Variants in WSCD1 observed in about 807,000 individuals in gnomAD.
The protein encoded by WSCD1 is WSC domain sialate O sulfotransferase 1, also known as sialate:O-sulfotransferase 1.
In WSCD1, 41 loss-of-function variants were observed where a neutral mutation model predicts 60.4. That is an observed-to-expected ratio of 0.68 (90% CI 0.53 to 0.88). WSCD1 has a LOEUF of 0.88. Ranked by LOEUF, WSCD1 falls within the 40% of genes least tolerant of loss-of-function variation. The pLI is 0.00. For missense variants in WSCD1, 784 were observed against 796.2 expected (o/e 0.98, Z 0.18); for synonymous variants, 361 against 332.5 (o/e 1.09, Z -0.93).
intron 8 of WSCD1, among the ~76,000 whole-genome samples, chr17:6,119,463 A>G (rs1251394276): frequency 6.6e-6 from 1 of 152,218 alleles, no homozygotes; most frequent in Non-Finnish European, 1.5e-5. Context: ...GAAACAAAGC[A>G]GTGTCCAGGC....
rs770718752 is a variant in WSCD1 at position 6,118,015 on chromosome 17, G to A, written c.1202G>A (p.Arg401Gln). ...KGFKGEKDHW[R>Q]SRRTICVKTH... is the part of the protein sequence containing the mutation. The stretch of plus-strand genomic sequence containing the variant: ...TTCAAGGGCGAAAAGGACCACTGGC[G>A]GAGCCGACGCACCATCTGTGTCAAA... The change falls in exon 8 of 9, where the codon CGG becomes CAG. Residue 401 changes from arginine (R) to glutamine (Q), a missense_variant. Transcript: ENST00000317744. The surrounding 1 kb of genome is among the most constrained non-coding windows in gnomAD (Gnocchi z 5.8). The A allele has an allele frequency of 2.8e-5, 45 of 1,614,042 alleles. 1 individual carries two copies. The highest frequency in any genetic ancestry group is 3.3e-4 in the Middle Eastern group (2 of 5,978).
intron 7 of WSCD1, among the ~76,000 whole-genome samples, chr17:6,116,843 C>T (rs1259912290): frequency 1.3e-5 from 2 of 152,128 alleles, no homozygotes; most frequent in African/African-American, 2.4e-5. Context: ...ATTTTGTTTC[C>T]AAGAGCCCAA....
rs1224444980 is a variant in WSCD1, at chr17:6,123,704, T to C, written c.*3043T>C. On this transcript the variant is annotated 3_prime_UTR_variant, in exon 9 of 9. Coordinates refer to ENST00000317744, the MANE Select transcript of WSCD1 (RefSeq NM_015253.2). ...TTGGAGGTATCTGAAATGTGATGAC[T>C]CCAAAGGGGTTCATTTCACTATAGG... 1 of 152,132 alleles carries C rather than the reference T, an allele frequency of 6.6e-6. No individual in the cohort carries two copies. The allele number at this position is 152,132 out of a possible 1,614,324, so 9.4% of individuals were successfully genotyped here. A position where few individuals can be genotyped will look rare whatever the true frequency, so the allele number is the denominator to read the frequency against.
intron 8 of WSCD1, 63 bp from the exon 9 acceptor site, chr17:6,120,246 C>G: frequency 6.4e-7 from 1 of 1,555,476 alleles, no homozygotes; most frequent in Non-Finnish European, 8.7e-7. Flanking sequence ...AGCAGCCCCC[C>G]GGGGACCGGC....
chr17:6,099,166 T>C (rs1910636918), intron 5 of WSCD1, among the ~76,000 whole-genome samples: 1 of 152,046 alleles, frequency 6.6e-6, no homozygotes, highest in Admixed American at 6.6e-5. Flanking sequence ...AGGTTCTGGG[T>C]GGAAATTTTC....
intron 1 of WSCD1, among the ~76,000 whole-genome samples, chr17:6,076,294 C>T (rs1372362691): frequency 1.3e-5 from 2 of 152,186 alleles, no homozygotes; most frequent in Non-Finnish European, 2.9e-5. Context: ...GTAAAGTGCA[C>T]AGCCCAGTTC....
At chr17:6,092,820 G>T (rs1910146515) in intron 4 of WSCD1, among the ~76,000 whole-genome samples, 1 of 152,310 alleles carries the variant, frequency 6.6e-6, no homozygotes, top group East Asian at 1.9e-4. Context: ...ATTCAAGCCA[G>T]CCCTAGATCC....
At chr17:6,086,223 G>A (rs1399222647) in intron 2 of WSCD1, among the ~76,000 whole-genome samples, 1 of 130,600 alleles carries the variant, frequency 7.7e-6, no homozygotes, top group Admixed American at 8.0e-5. Context: ...TTGCACCTTG[G>A]TGCAGTCAGT....
At chr17:6,095,307 CG>C (rs2150550859) in intron 5 of WSCD1, 84 bp downstream of exon 5, 1 of 1,468,382 alleles carries the variant, frequency 6.8e-7, no homozygotes, top group Admixed American at 2.4e-5. Flanking sequence ...TGCTGGGCTG[CG>C]GGTGTCCCCT....
At chr17:6,081,962 T>G (rs934534993) in intron 2 of WSCD1, 2 of 152,186 alleles carry the variant, frequency 1.3e-5, no homozygotes, top group Non-Finnish European at 2.9e-5. Flanking sequence ...TATTTAACGC[T>G]GTCTCCAGGT....
chr17:6,078,562 G>A (rs1909015100), intron 1 of WSCD1, among the ~76,000 whole-genome samples: 1 of 142,974 alleles, frequency 7.0e-6, no homozygotes, highest in Admixed American at 6.9e-5. Context: ...AATGTGGAGG[G>A]TGTGTGTGTG....
rs1324528313 is a variant in WSCD1, at chr17:6,110,767, T to C, written c.1010-4T>C. On this transcript the variant is annotated splice_region_variant and splice_polypyrimidine_tract_variant and intron_variant, in intron 6 of 8. Coordinates refer to ENST00000317744, the MANE Select transcript of WSCD1 (RefSeq NM_015253.2). This position sits in a 1 kb window ranked among gnomAD's most constrained non-coding sequence, Gnocchi z 4.8. ...TAACCCCGTGATGACTTTTGGACTT[T>C]CAGACACTCGTTGTACAGACAGGAG... 3.7e-6 allele frequency: 6 copies of C among 1,607,380 alleles called. No individual in the cohort carries two copies. Among genetic ancestry groups the C allele is most frequent in the Non-Finnish European group, 5.1e-6 (6 of 1,174,810 alleles).
intron 1 of WSCD1, among the ~76,000 whole-genome samples, chr17:6,072,285 G>T (rs1418154963): frequency 6.6e-6 from 1 of 152,226 alleles, no homozygotes. Context: ...CCACTAGTGG[G>T]TCTGCTGCTG....
In WSCD1 at chr17:6,121,334, G is replaced by C. The variant is rs1320557818; in HGVS notation, c.*673G>C. ...CTCTCTTTTCTCTGTGGCTGGGCTGGCTGCACCATGGGCAGGGTTGAGGAC... is the reference window on the plus strand; with the variant it reads ...CTCTCTTTTCTCTGTGGCTGGGCTGCCTGCACCATGGGCAGGGTTGAGGAC... On this transcript the variant is annotated 3_prime_UTR_variant, in exon 9 of 9. Transcript: ENST00000317744. 6.5e-6 allele frequency: 1 copy of C among 152,820 alleles called. No individual in the cohort carries two copies. The highest frequency in any genetic ancestry group is 2.4e-5 in the African/African-American group (1 of 41,454). 9.5% of individuals were successfully genotyped at this position (152,820 alleles called of 1,614,324 possible).
rs1910817473 is a variant in WSCD1 at position 6,101,817 on chromosome 17, G to T, written c.849+6594G>T. ...AGGGGGCAGCTTCGATATTTGCATT[G>T]CTACCAATTCAGATCTGGGGTAATT... On this transcript the variant is annotated intron_variant, in intron 5 of 8. Transcript: ENST00000317744. The surrounding 1 kb of genome is among the most constrained non-coding windows in gnomAD (Gnocchi z 4.1). Among the ~76,000 whole-genome samples the T allele has an allele frequency of 6.6e-6, 1 of 152,188 alleles. No individual in the cohort carries two copies. The highest frequency in any genetic ancestry group is 1.5e-5 in the Non-Finnish European group (1 of 68,044).
chr17:6,105,184 C>A (rs1387253736), intron 5 of WSCD1, among the ~76,000 whole-genome samples: 2 of 152,200 alleles, frequency 1.3e-5, no homozygotes, highest in African/African-American at 4.8e-5. Context: ...ACCCATACCT[C>A]AGCCCAGCCC....
chr17:6,117,564 T>C (rs1226349991), intron 7 of WSCD1, among the ~76,000 whole-genome samples: 1 of 152,256 alleles, frequency 6.6e-6, no homozygotes, highest in Non-Finnish European at 1.5e-5. Context: ...AGTCCCATGC[T>C]CACTCTGTGC....
chr17:6,105,411 A>ACTGAAGCG (rs1911032696), intron 5 of WSCD1, among the ~76,000 whole-genome samples: 2 of 151,898 alleles, frequency 1.3e-5, no homozygotes, highest in Admixed American at 1.3e-4. Context: ...TCACTGAAGC[A>ACTGAAGCG]CCCTTTCTCT....
intron 1 of WSCD1, among the ~76,000 whole-genome samples, chr17:6,071,817 G>A (rs1026596189): frequency 1.3e-5 from 2 of 152,290 alleles, no homozygotes; most frequent in African/African-American, 4.8e-5. Context: ...TTGGGCTATG[G>A]GAGAATGAGG....
Sources: allele counts gnomAD v4.1 joint callset (sites outside exome capture counted in the v4.1 genomes callset), GRCh38; gene constraint gnomAD v4.1.1; non-coding constraint Gnocchi (gnomAD v3.1); transcripts MANE v1.5; gene names NCBI Gene and HGNC (gene_info 2026-07-23, HGNC 2026-07-21).